CPQ: variants seen among roughly 807,000 people sequenced by gnomAD.
CPQ encodes Ser-Met dipeptidase.
In CPQ, 37 loss-of-function variants were observed where a neutral mutation model predicts 45.7. That is an observed-to-expected ratio of 0.81 (90% confidence interval 0.62 to 1.07). The LOEUF (loss-of-function observed/expected upper bound fraction) is 1.07. Ranked by LOEUF, CPQ falls within the 50% of genes least tolerant of loss-of-function variation. The pLI is 0.00. For missense variants in CPQ, 537 were observed against 572.9 expected (o/e 0.94, Z 0.64); for synonymous variants, 186 against 205.8 (o/e 0.90, Z 0.82).
intron 1 of CPQ, among the ~76,000 whole-genome samples, chr8:96,724,145 T>C (rs1025206174): frequency 1.3e-5 from 2 of 152,080 alleles, no homozygotes; most frequent in African/African-American, 4.8e-5. Flanking sequence ...TCTCTCTCTC[T>C]CTCTCCCTGC....
rs11995296 is a variant in CPQ, at chr8:96,752,760, G to A, written c.-34-32104G>A. Among the ~76,000 whole-genome samples the A allele has an allele frequency of 3.1e-3, 479 of 152,156 alleles. 5 individuals carry two copies. The highest frequency in any genetic ancestry group is 0.011 in the African/African-American group (462 of 41,532). On this transcript the variant is annotated intron_variant, in intron 1 of 7. Transcript: ENST00000220763. ...GCCCACTCAGTGTGATATTGCCTGT[G>A]GGTTTGTCATATATGGCTCTGATTA...
chr8:96,756,429 T>G (rs955212941), intron 1 of CPQ, among the ~76,000 whole-genome samples: 1 of 152,090 alleles, frequency 6.6e-6, no homozygotes, highest in Non-Finnish European at 1.5e-5. Flanking sequence ...TCTAATTAAA[T>G]TTTCTATACT....
At chr8:97,111,087 C>G (rs540762050) in intron 7 of CPQ, among the ~76,000 whole-genome samples, 1 of 152,114 alleles carries the variant, frequency 6.6e-6, no homozygotes, top group Non-Finnish European at 1.5e-5. Context: ...TGTGGAACAC[C>G]GCAGGGTATT....
At chr8:97,054,476 A>C (rs1038349155) in intron 6 of CPQ, among the ~76,000 whole-genome samples, 2 of 152,208 alleles carry the variant, frequency 1.3e-5, no homozygotes, top group Non-Finnish European at 2.9e-5. Context: ...GCACATGTAC[A>C]TTTATCACAG....
intron 1 of CPQ, among the ~76,000 whole-genome samples, chr8:96,664,686 G>A (rs1380236563): frequency 6.6e-6 from 1 of 152,156 alleles, no homozygotes; most frequent in Non-Finnish European, 1.5e-5. Context: ...AAGGGTAAAG[G>A]CGTCCTAAGG....
intron 5 of CPQ, among the ~76,000 whole-genome samples, chr8:97,004,898 T>C (rs1188850354): frequency 6.6e-6 from 1 of 152,054 alleles, no homozygotes. Context: ...GGTTTGACTA[T>C]TTCTTTTCTG....
chr8:96,939,608 T>G (rs890615320), intron 4 of CPQ, among the ~76,000 whole-genome samples: 4 of 152,208 alleles, frequency 2.6e-5, no homozygotes, highest in Non-Finnish European at 5.9e-5. Context: ...ACAATTTGCT[T>G]TTTTAACATA....
chr8:96,973,516 G>C (rs1489411725), intron 5 of CPQ, among the ~76,000 whole-genome samples: 1 of 151,990 alleles, frequency 6.6e-6, no homozygotes, highest in African/African-American at 2.4e-5. Flanking sequence ...GAAACTCAAA[G>C]AACTCCTGGG....
intron 1 of CPQ, among the ~76,000 whole-genome samples, chr8:96,663,217 T>G (rs1165109341): frequency 6.6e-6 from 1 of 152,118 alleles, no homozygotes; most frequent in Non-Finnish European, 1.5e-5. Context: ...TCTTCAGAAG[T>G]GGAGCCCAGC....
intron 1 of CPQ, among the ~76,000 whole-genome samples, chr8:96,690,795 G>T (rs1215199382): frequency 6.6e-6 from 1 of 152,290 alleles, no homozygotes; most frequent in Non-Finnish European, 1.5e-5. Flanking sequence ...ATTAGAAAAG[G>T]CTGGCCTAGA....
At chr8:96,994,534 T>C (rs1490592336) in intron 5 of CPQ, among the ~76,000 whole-genome samples, 3 of 152,158 alleles carry the variant, frequency 2.0e-5, no homozygotes, top group Non-Finnish European at 4.4e-5. Context: ...ATGAGTCTAA[T>C]TGTCTTAATT....
intron 2 of CPQ, among the ~76,000 whole-genome samples, chr8:96,801,196 C>G (rs972000459): frequency 2.5e-4 from 38 of 152,122 alleles, no homozygotes; most frequent in Admixed American, 1.6e-3. Flanking sequence ...AGGCTGGTCT[C>G]GAACTCCCGA....
intron 5 of CPQ, among the ~76,000 whole-genome samples, chr8:97,028,760 G>T (rs1024109355): frequency 2.6e-5 from 4 of 152,150 alleles, no homozygotes; most frequent in African/African-American, 9.7e-5. Context: ...CAATAAAATT[G>T]CCACCAAGCT....
intron 1 of CPQ, among the ~76,000 whole-genome samples, chr8:96,686,368 CT>C (rs1410935223): frequency 1.3e-5 from 2 of 151,870 alleles, no homozygotes; most frequent in Non-Finnish European, 2.9e-5. Context: ...AGAGGAAACC[CT>C]TTTTTCTTGG....
intron 7 of CPQ, among the ~76,000 whole-genome samples, chr8:97,087,675 A>G (rs1811063213): frequency 1.3e-5 from 2 of 152,326 alleles, no homozygotes; most frequent in South Asian, 4.1e-4. Flanking sequence ...CTAATCCTCA[A>G]CATCACAAAT....
intron 4 of CPQ, among the ~76,000 whole-genome samples, chr8:96,943,565 C>T (rs1364019692): frequency 1.3e-5 from 2 of 152,128 alleles, no homozygotes; most frequent in African/African-American, 4.8e-5. Context: ...AGCTAAGTAA[C>T]TTGCATAATG....
chr8:97,139,887 A>AACTT (rs998865136), intron 7 of CPQ, among the ~76,000 whole-genome samples: 34 of 152,010 alleles, frequency 2.2e-4, no homozygotes, highest in Admixed American at 2.2e-3. Flanking sequence ...GCATAATATA[A>AACTT]ACTTAGGAGC....
chr8:96,997,070 G>A (rs929662301), intron 5 of CPQ, among the ~76,000 whole-genome samples: 3 of 151,864 alleles, frequency 2.0e-5, no homozygotes, highest in Non-Finnish European at 1.5e-5. Flanking sequence ...GGGATCTTCT[G>A]TTTGGAAAGT....
intron 2 of CPQ, among the ~76,000 whole-genome samples, chr8:96,818,039 A>G (rs1811252613): frequency 6.6e-6 from 1 of 151,916 alleles, no homozygotes; most frequent in Non-Finnish European, 1.5e-5. Context: ...AAGCCTAACC[A>G]TTTCTTGTTT....
Sources: gnomAD v4.1 joint callset for allele counts (sites outside exome capture counted in the v4.1 genomes callset) on GRCh38, gnomAD v4.1.1 for gene constraint, MANE v1.5 for transcripts, NCBI Gene and HGNC (gene_info 2026-07-23, HGNC 2026-07-21) for gene names.